The following GNL3 variants were observed in gnomAD, a reference collection of about 807,000 sequenced individuals.
GNL3 encodes guanine nucleotide-binding protein-like 3.
GNL3 carries 77 observed loss-of-function variants against 70.6 expected under a neutral mutation model. The observed-to-expected ratio is 1.09, with a 90% CI of 0.91 to 1.32. The LOEUF is 1.32. Ranked by LOEUF, GNL3 falls within the 40% of genes most tolerant of loss-of-function variation. GNL3 has a pLI of 0.00. For missense variants in GNL3, 634 were observed against 644.0 expected (o/e 0.98, Z 0.17); for synonymous variants, 252 against 216.1 (o/e 1.17, Z -1.46).
chr3:52,687,476 A>C (rs757103419), intron 3 of GNL3, 26 bp from the exon 4 acceptor site: 1 of 1,590,874 alleles, frequency 6.3e-7, no homozygotes, highest in South Asian at 1.1e-5. Flanking sequence ...TCACTGGTTC[A>C]CCTATTTCCC....
intron 4 of GNL3, 50 bp from the exon 5 acceptor site, chr3:52,688,059 T>A: frequency 9.9e-7 from 1 of 1,011,404 alleles, no homozygotes; most frequent in Non-Finnish European, 1.6e-6. Context: ...AGTTAGAGGT[T>A]ACAGTTGCTC....
intron 4 of GNL3, chr3:52,687,828 T>C (rs1461047637): frequency 3.4e-6 from 2 of 593,782 alleles, no homozygotes; most frequent in Non-Finnish European, 6.0e-6. Flanking sequence ...GCTTTCACTA[T>C]ATTGCCAAGG....
chr3:52,686,009 G>A, upstream of GNL3: 1 of 792,174 alleles, frequency 1.3e-6, no homozygotes, highest in South Asian at 1.3e-5. Context: ...CAGCGTAAGT[G>A]CGTGACGCTC....
At chr3:52,690,785 G>A (rs1352281778) in intron 7 of GNL3, 81 bp downstream of exon 7, 2 of 1,152,030 alleles carry the variant, frequency 1.7e-6, no homozygotes, top group Admixed American at 1.9e-5. Context: ...CTTGATTTAA[G>A]TGAATGAAAA....
intron 7 of GNL3, 79 bp downstream of exon 7, chr3:52,690,783 A>C (rs1347444876): frequency 4.8e-5 from 55 of 1,141,546 alleles, no homozygotes; most frequent in Non-Finnish European, 6.7e-5. Flanking sequence ...ATCTTGATTT[A>C]AGTGAATGAA....
chr3:52,686,113 G>C lies in GNL3; in HGVS notation c.13+8G>C, dbSNP rs1426724426. ...CCAATATGAAAAGGCCTAGTAAGTG[G>C]GGTCGGGAGGCGGGCGTGGAGGGAC... On this transcript the variant is annotated splice_region_variant and intron_variant, in intron 1 of 14. Transcript: ENST00000418458. The C allele has an allele frequency of 6.4e-7, 1 of 1,561,844 alleles. No homozygotes were observed. The highest frequency in any genetic ancestry group is 1.1e-5 in the South Asian group (1 of 89,988).
rs1024807505 is a variant in GNL3 at position 52,692,371 on chromosome 3, T to C, written c.870-501T>C. 1.4e-4 allele frequency among the ~76,000 whole-genome samples: 20 copies of C among 146,528 alleles called. 3 individuals carry two copies. In the Admixed American group the frequency reaches 1.4e-3, roughly 10 times the overall value. ...CACTGTGCCTGGCCAACTTTTAGAT[T>C]TTTTTTTTTTGGGAGATGGAGTCTG... On this transcript the variant is annotated intron_variant, in intron 9 of 14. Coordinates refer to ENST00000418458, the MANE Select transcript of GNL3 (RefSeq NM_014366.5).
chr3:52,693,349 G>T lies in GNL3; in HGVS notation c.1187+20G>T, dbSNP rs138969293. 7.4e-6 allele frequency: 12 copies of T among 1,613,332 alleles called. No individual in the cohort carries two copies. The African/African-American group carries it at 1.5e-4, about 20-fold the overall frequency. ...GACAGGGTAAGCTTTCTTTTCTGTT[G>T]GCATTTTGGTGACCACTAGAATAAA... On this transcript the variant is annotated intron_variant, in intron 11 of 14. Coordinates refer to ENST00000418458, the MANE Select transcript of GNL3 (RefSeq NM_014366.5).
At chr3:52,686,419 G>T in intron 1 of GNL3, 1 of 576,188 alleles carries the variant, frequency 1.7e-6, no homozygotes, top group Non-Finnish European at 3.1e-6. Context: ...CGTGCAGACT[G>T]GCCCAGGTGA....
Position 52,688,303 on chromosome 3 carries a change from G to A in GNL3, c.408+111G>A, listed in dbSNP as rs868254902. On this transcript the variant is annotated intron_variant, in intron 5 of 14. Transcript: ENST00000418458. ...GGTGCATGTGCAGGTTTGTTATATG[G>A]GTAAACTTGCGTCATAGGGGTTTGC... The A allele has an allele frequency of 2.1e-5, 14 of 667,716 alleles. No homozygotes were observed. In the African/African-American group the frequency reaches 2.5e-4, roughly 12 times the overall value. 41.4% of individuals were successfully genotyped at this position (667,716 alleles called of 1,614,324 possible). A position where few individuals can be genotyped will look rare whatever the true frequency, so the allele number is the denominator to read the frequency against.
At chr3:52,690,545 G>T in intron 6 of GNL3, 47 bp from the exon 7 acceptor site, 1 of 1,066,302 alleles carries the variant, frequency 9.4e-7, no homozygotes, top group South Asian at 1.3e-5. Flanking sequence ...TTACAGGCGT[G>T]AGCCACCGTG....
intron 4 of GNL3, 130 bp from the exon 5 acceptor site, chr3:52,687,979 A>C: frequency 1.5e-6 from 1 of 679,516 alleles, no homozygotes; most frequent in South Asian, 1.7e-5. Flanking sequence ...TGGGAGGAAG[A>C]CAACTGAGTT....
At chr3:52,685,967 A>T, upstream of GNL3, 1 of 752,380 alleles carries the variant, frequency 1.3e-6, no homozygotes, top group Non-Finnish European at 2.5e-6. Flanking sequence ...GTGCCCGCGC[A>T]CGCAGAGAGG....
In GNL3 at chr3:52,693,508, G is replaced by A; in HGVS notation, c.1288G>A (p.Glu430Lys). 3 of 1,614,128 alleles carry A rather than the reference G, an allele frequency of 1.9e-6. No homozygotes were observed. Among genetic ancestry groups the A allele is most frequent in the Non-Finnish European group, 1.7e-6 (2 of 1,180,024 alleles). ...VVDMKSGFNL[E>K]ELEKNNAQSI... ...AGACATGAAAAGCGGCTTCAATCTG[G>A]AAGAACTGGAAAAGAACAATGCACA... is the stretch of plus-strand genomic sequence containing the variant. The change falls in exon 12 of 15, where the codon GAA (glutamate) becomes AAA (lysine). Residue 430 changes from glutamate (E) to lysine (K), a missense_variant. By Grantham distance (56) the Glu-to-Lys change is moderately conservative (BLOSUM62 1). Transcript: ENST00000418458.
chr3:52,691,137 T>A, intron 8 of GNL3, 66 bp downstream of exon 8: 1 of 1,414,268 alleles, frequency 7.1e-7, no homozygotes, highest in Non-Finnish European at 1.0e-6. Context: ...TAGCCAGCTC[T>A]CCAAGTGCCC....
chr3:52,692,211 G>C (rs2097327955), intron 9 of GNL3, among the ~76,000 whole-genome samples: 1 of 152,016 alleles, frequency 6.6e-6, no homozygotes, highest in East Asian at 1.9e-4. Context: ...CACCACACCT[G>C]GCTAGTTTTT....
chr3:52,693,342 T>G lies in GNL3; in HGVS notation c.1187+13T>G, dbSNP rs1021329983. 2 of 1,613,610 alleles carry G rather than the reference T, an allele frequency of 1.2e-6. No individual in the cohort carries two copies. The highest frequency in any genetic ancestry group is 4.5e-5 in the East Asian group (2 of 44,884). Reference sequence around the variant, plus strand: ...CTGAGTGGACAGGGTAAGCTTTCTTTTCTGTTGGCATTTTGGTGACCACTA... The same window carrying G: ...CTGAGTGGACAGGGTAAGCTTTCTTGTCTGTTGGCATTTTGGTGACCACTA... On this transcript the variant is annotated intron_variant, in intron 11 of 14. Coordinates refer to ENST00000418458, the MANE Select transcript of GNL3 (RefSeq NM_014366.5).
Position 52,693,685 on chromosome 3 carries a change from A to C in GNL3, c.1378A>C (p.Thr460Pro), listed in dbSNP as rs2097329714. ...CATCCTTTTCCAGTCTTCCGGTCTG[A>C]CAAATGGAATAATAGAAGAAAAGGA... ...NSILFQSSGL[T>P]NGIIEEKDIH... Residue 460 changes from threonine (T) to proline (P), a missense_variant, in exon 13 of 15, where the codon ACA (threonine) becomes CCA (proline). By Grantham distance (38) the Thr-to-Pro change is conservative. Coordinates refer to ENST00000418458, the MANE Select transcript of GNL3 (RefSeq NM_014366.5). The C allele has an allele frequency of 6.2e-7, 1 of 1,614,042 alleles. No individual in the cohort carries two copies. Among genetic ancestry groups the C allele is most frequent in the South Asian group, 1.1e-5 (1 of 91,086 alleles).
chr3:52,692,649 C>T, intron 9 of GNL3: 1 of 685,184 alleles, frequency 1.5e-6, no homozygotes, highest in Non-Finnish European at 2.7e-6. Flanking sequence ...AAGGAAATAG[C>T]ATGTGTTTTG....
Sources: allele counts gnomAD v4.1 joint callset (sites outside exome capture counted in the v4.1 genomes callset), GRCh38; gene constraint gnomAD v4.1.1; transcripts MANE v1.5; gene names NCBI Gene and HGNC (gene_info 2026-07-23, HGNC 2026-07-21).